The following SHISA5 variants were observed in gnomAD, a reference collection of about 807,000 sequenced individuals.
The protein encoded by SHISA5 is shisa family member 5, also known as protein shisa-5.
A neutral mutation model predicts 27.5 loss-of-function variants in SHISA5; 21 were observed. The observed-to-expected ratio is 0.76, with a 90% CI of 0.54 to 1.10. The LOEUF is 1.10. Ranked by LOEUF, SHISA5 falls within the 50% of genes least tolerant of loss-of-function variation. The pLI is 0.00. For synonymous variants in SHISA5, 137 were observed against 142.2 expected (o/e 0.96, Z 0.26); for missense variants, 314 against 336.3 (o/e 0.93, Z 0.52).
intron 2 of SHISA5, among the ~76,000 whole-genome samples, chr3:48,498,421 T>TTAGAATTA (rs759108020): frequency 6.6e-6 from 1 of 152,160 alleles, no homozygotes; most frequent in Non-Finnish European, 1.5e-5. Context: ...GGGCAGTGGC[T>TTAGAATTA]CATGCCTGTA....
At position 48,473,230 on chromosome 3, in the gene SHISA5, G is replaced by T; in HGVS notation, c.315-3387C>A. 7.0e-7 allele frequency: 1 copy of T among 1,427,514 alleles called. No homozygotes were observed. Among genetic ancestry groups the T allele is most frequent in the Non-Finnish European group, 9.1e-7 (1 of 1,094,528 alleles). The allele number at this position is 1,427,514 out of a possible 1,614,324, so 88.4% of individuals were successfully genotyped here. ...GCCCAGCAGCCGGCTAGCAGCCAAG[G>T]AGCCAAGGGGCGGGGGCCGGGGAGG... On this transcript the variant is annotated intron_variant, in intron 3 of 5. Coordinates refer to ENST00000296444, the MANE Select transcript of SHISA5 (RefSeq NM_016479.6). This position sits in a 1 kb window ranked among gnomAD's most constrained non-coding sequence, Gnocchi z 4.3.
At chr3:48,483,605 A>G (rs2041095596) in intron 2 of SHISA5, among the ~76,000 whole-genome samples, 1 of 151,942 alleles carries the variant, frequency 6.6e-6, no homozygotes, top group Non-Finnish European at 1.5e-5. Context: ...GCTGTTCGGT[A>G]CACCTCCCAG....
In SHISA5 at chr3:48,482,545, G is replaced by T. The variant is rs568289413; in HGVS notation, c.234-3288C>A. ...AGCTATCAGTGAATTACTGTTAATTGTGCCAAATATGATAGTGGTTATATT... is the reference window on the plus strand; with the variant it reads ...AGCTATCAGTGAATTACTGTTAATTTTGCCAAATATGATAGTGGTTATATT... On this transcript the variant is annotated intron_variant, in intron 2 of 5. Coordinates refer to ENST00000296444, the MANE Select transcript of SHISA5 (RefSeq NM_016479.6). 2.6e-5 allele frequency among the ~76,000 whole-genome samples: 4 copies of T among 152,302 alleles called. No individual in the cohort carries two copies. The East Asian group carries it at 7.7e-4, about 29-fold the overall frequency.
At chr3:48,474,890 C>T (rs373835770) in intron 3 of SHISA5, among the ~76,000 whole-genome samples, 1 of 152,132 alleles carries the variant, frequency 6.6e-6, no homozygotes, top group East Asian at 1.9e-4. Context: ...GGTCACTTCC[C>T]CAGGAGCACC....
intron 2 of SHISA5, among the ~76,000 whole-genome samples, chr3:48,485,231 C>T (rs961275932): frequency 6.6e-6 from 1 of 151,964 alleles, no homozygotes; most frequent in Non-Finnish European, 1.5e-5. Context: ...CACGGTGGCT[C>T]ACGCCTGTAA....
Position 48,473,660 on chromosome 3 carries a change from G to A in SHISA5, c.315-3817C>T. The A allele has an allele frequency of 1.7e-6, 2 of 1,146,590 alleles. No individual in the cohort carries two copies. The highest frequency in any genetic ancestry group is 2.2e-6 in the Non-Finnish European group (2 of 907,920). 71.0% of individuals were successfully genotyped at this position (1,146,590 alleles called of 1,614,324 possible). A position where few individuals can be genotyped will look rare whatever the true frequency, so the allele number is the denominator to read the frequency against. On this transcript the variant is annotated intron_variant, in intron 3 of 5. Transcript: ENST00000296444. This position sits in a 1 kb window ranked among gnomAD's most constrained non-coding sequence, Gnocchi z 4.3. ...CATGTCACCACCTGCTCAAACGCCAGCTATGGCTCCTGTAGCTCTTGCGAT... is the reference window on the plus strand; with the variant it reads ...CATGTCACCACCTGCTCAAACGCCAACTATGGCTCCTGTAGCTCTTGCGAT...
In SHISA5 at chr3:48,473,348, G is replaced by C. The variant is rs373506198; in HGVS notation, c.315-3505C>G. On this transcript the variant is annotated intron_variant, in intron 3 of 5. Transcript: ENST00000296444. This position sits in a 1 kb window ranked among gnomAD's most constrained non-coding sequence, Gnocchi z 4.3. ...CCTCAGAATGCAGCCTGGCCACTAG[G>C]GGGTCTAAGAGCCACCCCAGCCTCA... is the stretch of plus-strand genomic sequence containing the variant. 463 of 1,370,676 alleles carry C rather than the reference G, an allele frequency of 3.4e-4. 7 individuals carry two copies. In the South Asian group the frequency reaches 5.4e-3, roughly 16 times the overall value. The allele number at this position is 1,370,676 out of a possible 1,614,324, so 84.9% of individuals were successfully genotyped here.
Position 48,479,165 on chromosome 3 carries a change from G to A in SHISA5, c.314+12C>T. ...GCCAGGAAGATGCACCCAGCCAGCA[G>A]GCTTTACTTACCCTGACATGGGGTC... is the stretch of plus-strand genomic sequence containing the variant. On this transcript the variant is annotated intron_variant, in intron 3 of 5. Transcript: ENST00000296444. 6.2e-7 allele frequency: 1 copy of A among 1,602,450 alleles called. No individual in the cohort carries two copies.
rs1367311017 is a variant in SHISA5 at position 48,469,548 on chromosome 3, G to A, written c.456C>T (p.Thr152=). ...PRPVVTTTTS[T]TVVHAPYPQP... is the part of the protein sequence containing the mutation. ...GAGGATAAGGGGCATGCACCACAGTGGTGGATGTGGTGGTGGTGACAACCG... is the reference window on the plus strand; with the variant it reads ...GAGGATAAGGGGCATGCACCACAGTAGTGGATGTGGTGGTGGTGACAACCG... Residue 152 remains threonine (T), a synonymous_variant, in exon 5 of 6, where the codon ACC becomes ACT. Coordinates refer to ENST00000296444, the MANE Select transcript of SHISA5 (RefSeq NM_016479.6). This position sits in a 1 kb window ranked among gnomAD's most constrained non-coding sequence, Gnocchi z 4.6. 1.2e-6 allele frequency: 2 copies of A among 1,610,062 alleles called. No individual in the cohort carries two copies. The highest frequency in any genetic ancestry group is 1.7e-6 in the Non-Finnish European group (2 of 1,177,314).
chr3:48,477,784 C>T (rs1299350097), intron 3 of SHISA5, among the ~76,000 whole-genome samples: 1 of 152,212 alleles, frequency 6.6e-6, no homozygotes, highest in Non-Finnish European at 1.5e-5. Flanking sequence ...CTTCCCACTC[C>T]CTCCACACCC....
At chr3:48,479,351 C>CCACCGGTTCA in intron 2 of SHISA5, 94 bp from the exon 3 acceptor site, 1 of 1,235,142 alleles carries the variant, frequency 8.1e-7, no homozygotes, top group Non-Finnish European at 1.1e-6. Context: ...TGCACAGAAG[C>CCACCGGTTCA]TACTATGAAC....
At chr3:48,481,566 G>A (rs909431664) in intron 2 of SHISA5, among the ~76,000 whole-genome samples, 16 of 152,130 alleles carry the variant, frequency 1.1e-4, no homozygotes, top group African/African-American at 3.4e-4. Flanking sequence ...TGAGGAGGGC[G>A]GATCATGAGA....
chr3:48,472,262 C>T (rs1039441139), intron 3 of SHISA5, among the ~76,000 whole-genome samples: 1 of 151,980 alleles, frequency 6.6e-6, no homozygotes, highest in East Asian at 1.9e-4. Context: ...CCGAGGCAGG[C>T]GGATCGCCTG....
At chr3:48,486,395 GTATAATA>G (rs1308091437) in intron 2 of SHISA5, among the ~76,000 whole-genome samples, 2 of 55,032 alleles carry the variant, frequency 3.6e-5, no homozygotes, top group Non-Finnish European at 5.7e-5. Flanking sequence ...GTTATATAAT[GTATAATA>G]TATAATATAT....
intron 2 of SHISA5, among the ~76,000 whole-genome samples, chr3:48,479,816 C>T (rs1575313480): frequency 6.6e-6 from 1 of 152,152 alleles, no homozygotes; most frequent in East Asian, 1.9e-4. Context: ...TGGTCTCGAA[C>T]TCCTGACCTC....
intron 3 of SHISA5, among the ~76,000 whole-genome samples, chr3:48,471,554 CAAAAAAA>C (rs1553822500): frequency 3.0e-4 from 5 of 16,710 alleles, no homozygotes; most frequent in Non-Finnish European, 5.6e-4. Flanking sequence ...GACTCTGTCT[CAAAAAAA>C]AAAAAAAAAA....
intron 2 of SHISA5, among the ~76,000 whole-genome samples, chr3:48,483,863 G>T (rs528498621): frequency 1.3e-5 from 2 of 152,130 alleles, no homozygotes; most frequent in South Asian, 4.1e-4. Flanking sequence ...CCGGGCGGGG[G>T]GCTGACCCCA....
intron 2 of SHISA5, among the ~76,000 whole-genome samples, 161 bp downstream of exon 2, chr3:48,500,976 C>A (rs2041735226): frequency 1.3e-5 from 2 of 152,064 alleles, no homozygotes; most frequent in African/African-American, 4.8e-5. Flanking sequence ...TCTAGGGGGT[C>A]CAGCCCAGAA....
intron 2 of SHISA5, among the ~76,000 whole-genome samples, chr3:48,499,448 A>C (rs1284827905): frequency 2.6e-5 from 4 of 151,860 alleles, no homozygotes; most frequent in Non-Finnish European, 5.9e-5. Context: ...GCAGGCCAAG[A>C]TGGGCAGATC....
Sources: allele counts gnomAD v4.1 joint callset (sites outside exome capture counted in the v4.1 genomes callset), GRCh38; gene constraint gnomAD v4.1.1; non-coding constraint Gnocchi (gnomAD v3.1); transcripts MANE v1.5; gene names NCBI Gene and HGNC (gene_info 2026-07-23, HGNC 2026-07-21).